HBS1L: variants seen among roughly 807,000 people sequenced by gnomAD.
HBS1L encodes the protein HBS1-like protein.
A neutral mutation model predicts 88.9 loss-of-function variants in HBS1L; 55 were observed. The ratio of observed to expected loss-of-function variants is 0.62; its 90% confidence interval spans 0.50 to 0.77. The LOEUF (loss-of-function observed/expected upper bound fraction) is 0.77. HBS1L is among the 30% of genes least tolerant of loss of function. HBS1L has a pLI of 0.00. For synonymous variants in HBS1L, 267 were observed against 288.5 expected, an observed-to-expected ratio of 0.93 and a Z score of 0.76; for missense variants, 741 against 829.3, an observed-to-expected ratio of 0.89 and a Z score of 1.31.
At chr6:135,049,797 C>G (rs900530800) in intron 2 of HBS1L, among the ~76,000 whole-genome samples, 2 of 152,228 alleles carry the variant, frequency 1.3e-5, no homozygotes, top group Non-Finnish European at 2.9e-5. Context: ...GTCTCGAACT[C>G]CTGACCTCAG....
chr6:135,016,839 G>C (rs2114847280), intron 4 of HBS1L, among the ~76,000 whole-genome samples: 1 of 152,242 alleles, frequency 6.6e-6, no homozygotes, highest in East Asian at 1.9e-4. Flanking sequence ...TGAAGAAAAG[G>C]AACATACTCT....
intron 8 of HBS1L, among the ~76,000 whole-genome samples, chr6:134,990,074 T>C (rs1229173116): frequency 6.6e-6 from 1 of 152,198 alleles, no homozygotes; most frequent in Non-Finnish European, 1.5e-5. Context: ...TCATAATAAC[T>C]GTAAAATTAT....
chr6:135,015,724 G>A (rs769761940), intron 4 of HBS1L, among the ~76,000 whole-genome samples: 1 of 150,232 alleles, frequency 6.7e-6, no homozygotes, highest in Non-Finnish European at 1.5e-5. Context: ...TGGGACTACA[G>A]GCACACGCCA....
intron 5 of HBS1L, among the ~76,000 whole-genome samples, chr6:134,998,138 A>G (rs1213360719): frequency 6.6e-6 from 1 of 152,252 alleles, no homozygotes; most frequent in Non-Finnish European, 1.5e-5. Flanking sequence ...ACTACAGTTC[A>G]TAAACATTTT....
intron 8 of HBS1L, among the ~76,000 whole-genome samples, chr6:134,990,174 T>C (rs1775091306): frequency 6.6e-6 from 1 of 152,220 alleles, no homozygotes. Flanking sequence ...TTCCTATTAC[T>C]ATCTCCAAAA....
chr6:134,978,425 T>G (rs915914477), intron 15 of HBS1L, among the ~76,000 whole-genome samples: 1 of 152,002 alleles, frequency 6.6e-6, no homozygotes, highest in African/African-American at 2.4e-5. Flanking sequence ...GGATAAATTT[T>G]ATTATCATTA....
intron 4 of HBS1L, among the ~76,000 whole-genome samples, chr6:135,025,987 T>TA (rs1230657737): frequency 2.6e-5 from 4 of 152,274 alleles, no homozygotes; most frequent in African/African-American, 9.6e-5. Flanking sequence ...TCGAGGTAGC[T>TA]AGTTAGCAAC....
At chr6:134,971,864 G>A (rs1302726745) in intron 15 of HBS1L, among the ~76,000 whole-genome samples, 1 of 151,926 alleles carries the variant, frequency 6.6e-6, no homozygotes, top group Non-Finnish European at 1.5e-5. Flanking sequence ...ACTAATACAG[G>A]TCCACAATCA....
intron 4 of HBS1L, among the ~76,000 whole-genome samples, chr6:135,028,264 TAA>T (rs35511460): frequency 2.4e-5 from 3 of 125,478 alleles, no homozygotes. Flanking sequence ...TGCAAGGTAA[TAA>T]AAAAAAAAAA....
At chr6:135,012,863 GA>G (rs1775813107) in intron 4 of HBS1L, among the ~76,000 whole-genome samples, 1 of 152,164 alleles carries the variant, frequency 6.6e-6, no homozygotes, top group African/African-American at 2.4e-5. Context: ...ATGAATCACA[GA>G]GGCCAACTCC....
chr6:135,031,265 T>C (rs1280094163), intron 4 of HBS1L, among the ~76,000 whole-genome samples: 2 of 152,174 alleles, frequency 1.3e-5, no homozygotes, highest in East Asian at 1.9e-4. Context: ...AAAACAATGT[T>C]ATGTATTCAC....
chr6:135,037,976 A>C (rs1376909135), intron 4 of HBS1L: 1 of 1,537,276 alleles, frequency 6.5e-7, no homozygotes, highest in Non-Finnish European at 8.8e-7. Context: ...GACTGAGGAT[A>C]AGAACTTTGA....
intron 14 of HBS1L, 140 bp downstream of exon 14, chr6:134,979,038 A>G: frequency 1.5e-6 from 1 of 655,734 alleles, no homozygotes; most frequent in Non-Finnish European, 2.7e-6. Context: ...AATTTTAAGT[A>G]AGTTTGCTTA....
At chr6:135,033,830 T>C (rs1776455439) in intron 4 of HBS1L, among the ~76,000 whole-genome samples, 2 of 152,234 alleles carry the variant, frequency 1.3e-5, no homozygotes, top group South Asian at 4.1e-4. Context: ...GGACCACTTG[T>C]GCAGCACCTA....
intron 8 of HBS1L, 150 bp from the exon 9 acceptor site, chr6:134,987,941 T>C (rs527309661): frequency 3.1e-4 from 164 of 534,092 alleles, no homozygotes; most frequent in Middle Eastern, 4.1e-4. Flanking sequence ...CTCCCAAAGA[T>C]GGATTAAAAT....
At chr6:134,981,448 T>A (rs547050740) in intron 13 of HBS1L, among the ~76,000 whole-genome samples, 307 of 152,088 alleles carry the variant, frequency 2.0e-3, no homozygotes, top group African/African-American at 7.2e-3. Flanking sequence ...AAATATAGGT[T>A]AAACCATGTA....
In HBS1L at chr6:134,963,016, TA is replaced by T. The variant is rs1284527869; in HGVS notation, c.*2262del. 6.6e-6 allele frequency: 1 copy of T among 152,240 alleles called. No individual in the cohort carries two copies. The highest frequency in any genetic ancestry group is 1.5e-5 in the Non-Finnish European group (1 of 68,042). 9.4% of individuals were successfully genotyped at this position (152,240 alleles called of 1,614,324 possible). ...CACTATTGGAGAAGGAAGGAATGAA[TA>T]AATGCATTCATTTCTACTACTATTT... On this transcript the variant is annotated 3_prime_UTR_variant, in exon 18 of 18. Coordinates refer to ENST00000367837, the MANE Select transcript of HBS1L (RefSeq NM_006620.4).
Position 134,993,859 on chromosome 6 carries a change from C to T in HBS1L, c.982G>A (p.Val328Ile), listed in dbSNP as rs770367289. The change falls in exon 8 of 18, where the codon GTT (valine) becomes ATT (isoleucine). Residue 328 changes from valine to isoleucine, a missense_variant. This residue lies in a region of HBS1L where 556 missense variants were observed against 598.4 expected (regional missense o/e 0.93). Coordinates refer to ENST00000367837, the MANE Select transcript of HBS1L (RefSeq NM_006620.4). The part of the protein sequence containing the change: ...EERERGVTMD[V>I]GMTKFETTTK... ...GTGGTTTCAAACTTTGTCATACCAA[C>T]ATCCATGGTTACTCCCCTTAAACAA... 3 of 1,588,322 alleles carry T rather than the reference C, an allele frequency of 1.9e-6. No individual in the cohort carries two copies. The highest frequency in any genetic ancestry group is 1.7e-6 in the Non-Finnish European group (2 of 1,158,938).
intron 13 of HBS1L, among the ~76,000 whole-genome samples, chr6:134,979,899 A>C (rs1774776623): frequency 6.6e-6 from 1 of 152,058 alleles, no homozygotes; most frequent in Non-Finnish European, 1.5e-5. Flanking sequence ...AGTGATAAGA[A>C]AATTTAATTT....
Sources: gnomAD v4.1 joint callset for allele counts (sites outside exome capture counted in the v4.1 genomes callset) on GRCh38, gnomAD v4.1.1 for gene constraint, gnomAD v4.1.1 regional missense constraint, MANE v1.5 for transcripts, NCBI Gene and HGNC (gene_info 2026-07-23, HGNC 2026-07-21) for gene names.